DYNC1I1: variants seen among roughly 807,000 people sequenced by gnomAD.
DYNC1I1 encodes the protein cytoplasmic dynein 1 intermediate chain 1.
Under a neutral mutation model 86.6 loss-of-function variants are expected in DYNC1I1, and 43 were observed. The observed-to-expected ratio is 0.50, with a 90% CI of 0.39 to 0.64. DYNC1I1 has a LOEUF of 0.64. Ranked by LOEUF, DYNC1I1 falls within the 30% of genes least tolerant of loss-of-function variation. DYNC1I1 has a pLI of 0.00. For synonymous variants in DYNC1I1, 262 were observed against 283.7 expected, an observed-to-expected ratio of 0.92 and a Z score of 0.77; for missense variants, 604 against 788.8, an observed-to-expected ratio of 0.77 and a Z score of 2.81.
chr7:96,070,242 T>G (rs1185592882), intron 14 of DYNC1I1, among the ~76,000 whole-genome samples: 2 of 152,122 alleles, frequency 1.3e-5, no homozygotes, highest in Non-Finnish European at 2.9e-5. Flanking sequence ...AGAGTTGGTT[T>G]TTTGGTTTGG....
At chr7:95,892,472 A>G (rs546583032) in intron 6 of DYNC1I1, among the ~76,000 whole-genome samples, 4 of 152,176 alleles carry the variant, frequency 2.6e-5, no homozygotes, top group Middle Eastern at 3.4e-3. Flanking sequence ...CACCACGCCC[A>G]GCTAATTTTT....
At chr7:95,794,162 T>G (rs941326343) in intron 1 of DYNC1I1, among the ~76,000 whole-genome samples, 2 of 152,192 alleles carry the variant, frequency 1.3e-5, no homozygotes, top group Non-Finnish European at 2.9e-5. Flanking sequence ...CTTCATGTAG[T>G]TATCCTTGTG....
chr7:95,886,825 A>G (rs887730702), intron 6 of DYNC1I1, among the ~76,000 whole-genome samples: 2 of 152,242 alleles, frequency 1.3e-5, no homozygotes, highest in Non-Finnish European at 2.9e-5. Context: ...GATCACAGAG[A>G]ACAAGCTGGA....
intron 6 of DYNC1I1, among the ~76,000 whole-genome samples, chr7:95,951,394 A>G (rs939596688): frequency 1.6e-4 from 25 of 152,238 alleles, no homozygotes; most frequent in African/African-American, 5.5e-4. Context: ...AGTCGTGATA[A>G]AACATGGGGT....
chr7:96,051,491 G>A (rs960758881), intron 14 of DYNC1I1, among the ~76,000 whole-genome samples: 6 of 152,078 alleles, frequency 3.9e-5, no homozygotes, highest in Non-Finnish European at 7.4e-5. Context: ...AGAACCTTTC[G>A]TGATACACAT....
chr7:95,808,901 A>G (rs1318104556), intron 2 of DYNC1I1, among the ~76,000 whole-genome samples: 1 of 152,158 alleles, frequency 6.6e-6, no homozygotes, highest in Non-Finnish European at 1.5e-5. Context: ...TCACTCTGCA[A>G]CATCTTTTTT....
At chr7:95,967,525 T>C (rs1426814652) in intron 6 of DYNC1I1, among the ~76,000 whole-genome samples, 1 of 152,162 alleles carries the variant, frequency 6.6e-6, no homozygotes, top group Non-Finnish European at 1.5e-5. Context: ...CTTCCTTGAG[T>C]GTATTGCCAA....
intron 4 of DYNC1I1, among the ~76,000 whole-genome samples, chr7:95,827,184 CAG>C (rs1292162433): frequency 6.6e-6 from 1 of 152,142 alleles, no homozygotes; most frequent in Admixed American, 6.5e-5. Flanking sequence ...TGGTAAGTCA[CAG>C]AGGTAAGATT....
intron 6 of DYNC1I1, among the ~76,000 whole-genome samples, chr7:95,904,643 A>G (rs1029471396): frequency 6.6e-6 from 1 of 151,994 alleles, no homozygotes; most frequent in Non-Finnish European, 1.5e-5. Context: ...ATATATATAC[A>G]CATATACACA....
chr7:95,872,230 C>T (rs1283067931), intron 6 of DYNC1I1, among the ~76,000 whole-genome samples: 1 of 152,120 alleles, frequency 6.6e-6, no homozygotes, highest in South Asian at 2.1e-4. Flanking sequence ...ATGAAAACTG[C>T]GCCTTTCAGC....
intron 2 of DYNC1I1, among the ~76,000 whole-genome samples, chr7:95,807,497 ACT>A (rs1159757964): frequency 6.6e-6 from 1 of 151,728 alleles, no homozygotes; most frequent in Non-Finnish European, 1.5e-5. Flanking sequence ...GCATAGCAGG[ACT>A]CTCTTTTTGC....
At chr7:95,786,868 G>A (rs1402358890) in intron 1 of DYNC1I1, among the ~76,000 whole-genome samples, 1 of 152,134 alleles carries the variant, frequency 6.6e-6, no homozygotes, top group African/African-American at 2.4e-5. Context: ...AAAGGAGTTT[G>A]GGGTTATGTG....
intron 14 of DYNC1I1, among the ~76,000 whole-genome samples, chr7:96,069,258 A>T (rs1408141566): frequency 1.3e-5 from 2 of 152,196 alleles, no homozygotes; most frequent in African/African-American, 4.8e-5. Flanking sequence ...GAGCAAAGCA[A>T]TCAAAGGGGG....
At chr7:96,077,073 T>C (rs1385558956) in intron 15 of DYNC1I1, among the ~76,000 whole-genome samples, 4 of 152,280 alleles carry the variant, frequency 2.6e-5, no homozygotes, top group South Asian at 2.1e-4. Context: ...GAAAGCTCTC[T>C]ATAAATAAGA....
chr7:96,077,267 GTGTGT>G (rs1790370670), intron 15 of DYNC1I1, among the ~76,000 whole-genome samples: 1 of 151,858 alleles, frequency 6.6e-6, no homozygotes, highest in African/African-American at 2.4e-5. Flanking sequence ...GTGTGTGTGT[GTGTGT>G]GTGTGGGAGG....
intron 5 of DYNC1I1, among the ~76,000 whole-genome samples, chr7:95,850,415 A>G (rs532481946): frequency 5.3e-5 from 8 of 152,132 alleles, no homozygotes; most frequent in Non-Finnish European, 1.0e-4. Flanking sequence ...TTATCATGAA[A>G]GGGTATTGAA....
chr7:95,879,073 C>T (rs1790383589), intron 6 of DYNC1I1, among the ~76,000 whole-genome samples: 1 of 151,898 alleles, frequency 6.6e-6, no homozygotes, highest in Admixed American at 6.6e-5. Flanking sequence ...ACAGACCCAC[C>T]TTACAAGAAA....
At chr7:96,073,955 G>T (rs1197063400) in intron 14 of DYNC1I1, among the ~76,000 whole-genome samples, 25 of 152,154 alleles carry the variant, frequency 1.6e-4, no homozygotes, top group Non-Finnish European at 4.4e-5. Flanking sequence ...GAATCATGTA[G>T]TCCAAACAGG....
chr7:96,082,141 A>G (rs1324727724), intron 16 of DYNC1I1, among the ~76,000 whole-genome samples: 3 of 152,152 alleles, frequency 2.0e-5, no homozygotes, highest in East Asian at 1.9e-4. Flanking sequence ...TTACAGCAGT[A>G]TTTTTCTTAA....
Sources: gnomAD v4.1 joint callset for allele counts (sites outside exome capture counted in the v4.1 genomes callset) on GRCh38, gnomAD v4.1.1 for gene constraint, MANE v1.5 for transcripts, NCBI Gene and HGNC (gene_info 2026-07-23, HGNC 2026-07-21) for gene names.